COX16: variants seen among roughly 807,000 people sequenced by gnomAD.
COX16 encodes the protein cytochrome c oxidase assembly factor COX16.
Under a neutral mutation model 15.4 loss-of-function variants are expected in COX16, and 12 were observed. The observed-to-expected ratio is 0.78, with a 90% CI of 0.50 to 1.26. The LOEUF is 1.26. Ranked by LOEUF, COX16 falls within the 50% of genes most tolerant of loss-of-function variation. The probability of loss-of-function intolerance (pLI) is 0.00; values close to 1 mark genes in which losing one functional copy is unlikely to be tolerated. For missense variants in COX16, 124 were observed against 127.6 expected (o/e 0.97, Z 0.14); for synonymous variants, 46 against 41.1 (o/e 1.12, Z -0.46).
At chr14:70,330,215 T>G (rs1886239149) in intron 2 of COX16, among the ~76,000 whole-genome samples, 1 of 152,114 alleles carries the variant, frequency 6.6e-6, no homozygotes, top group Non-Finnish European at 1.5e-5. Flanking sequence ...CAGCACAAAT[T>G]CTATAGGCAA....
chr14:70,334,297 T>C (rs1886378924), intron 2 of COX16, among the ~76,000 whole-genome samples: 4 of 152,124 alleles, frequency 2.6e-5, no homozygotes, highest in Admixed American at 2.0e-4. Context: ...CCGAGGTGGA[T>C]GGATCACTTG....
intron 1 of COX16, among the ~76,000 whole-genome samples, chr14:70,346,719 C>T (rs1886795099): frequency 6.6e-6 from 1 of 152,008 alleles, no homozygotes; most frequent in African/African-American, 2.4e-5. Context: ...TCTGCTTTAC[C>T]TAATTTTTCA....
At chr14:70,348,750 G>A (rs1566604388) in intron 1 of COX16, among the ~76,000 whole-genome samples, 2 of 152,126 alleles carry the variant, frequency 1.3e-5, no homozygotes. Context: ...AAAGAACAAG[G>A]TTTTTTAACT....
chr14:70,329,705 A>G (rs951795709), intron 2 of COX16, among the ~76,000 whole-genome samples: 1 of 144,270 alleles, frequency 6.9e-6, no homozygotes, highest in Non-Finnish European at 1.5e-5. Context: ...TCCATGGGCC[A>G]GAAGTAGATA....
chr14:70,329,088 T>C, intron 3 of COX16, 86 bp downstream of exon 3: 41 of 1,298,262 alleles, frequency 3.2e-5, no homozygotes, highest in Non-Finnish European at 4.3e-5. Flanking sequence ...TTCAACGTAA[T>C]TTTTTTCTGT....
Position 70,359,556 on chromosome 14 carries a change from C to G in COX16, c.32G>C (p.Arg11Pro). MFAPAVMRAF[R>P]KNKTLGYGVP... Reference sequence around the variant, plus strand: ...TCCATAGCCGAGAGTCTTGTTCTTGCGAAAAGCACGCATCACCGCGGGTGC... The same window carrying G: ...TCCATAGCCGAGAGTCTTGTTCTTGGGAAAAGCACGCATCACCGCGGGTGC... Residue 11 changes from arginine (R) to proline (P), a missense_variant, in exon 1 of 4, where the codon CGC becomes CCC. Transcript: ENST00000389912. 6.2e-7 allele frequency: 1 copy of G among 1,614,104 alleles called. No individual in the cohort carries two copies. The highest frequency in any genetic ancestry group is 1.1e-5 in the South Asian group (1 of 91,076).
At position 70,327,255 on chromosome 14, in the gene COX16, C is replaced by A. The variant is rs369794164; in HGVS notation, c.205-806G>T. On this transcript the variant is annotated intron_variant, in intron 3 of 3. Transcript: ENST00000389912. Reference sequence around the variant, plus strand: ...TTGGATACTAAGCATTACTCTCTTACTAACTAGCTATATAACCTTTGGAAA... The same window carrying A: ...TTGGATACTAAGCATTACTCTCTTAATAACTAGCTATATAACCTTTGGAAA... 1.3e-3 allele frequency among the ~76,000 whole-genome samples: 204 copies of A among 152,306 alleles called. 2 individuals are homozygous for A. Among genetic ancestry groups the A allele is most frequent in the African/African-American group, 4.6e-3 (193 of 41,574 alleles).
chr14:70,329,568 G>T (rs1237628959), intron 2 of COX16, among the ~76,000 whole-genome samples: 3 of 151,984 alleles, frequency 2.0e-5, no homozygotes, highest in African/African-American at 7.2e-5. Context: ...AAGAAGCAGA[G>T]CTTGGCTTTA....
At position 70,357,158 on chromosome 14, in the gene COX16, C is replaced by CAAAAAAAAAA. The variant is rs4048531; in HGVS notation, c.69+2351_69+2360dup. Among the ~76,000 whole-genome samples the CAAAAAAAAAA allele has an allele frequency of 8.1e-4, 64 of 78,700 alleles. 2 individuals are homozygous for CAAAAAAAAAA. The highest frequency in any genetic ancestry group is 0.011 in the Middle Eastern group (1 of 90). 51.6% of individuals were successfully genotyped at this position (78,700 alleles called of 152,430 possible). On this transcript the variant is annotated intron_variant, in intron 1 of 3. Coordinates refer to ENST00000389912, the MANE Select transcript of COX16 (RefSeq NM_016468.7). ...CAGACTTCTCCTAGGAAGCGTTTGT[C>CAAAAAAAAAA]AAAAAAAAAAAAAAAAAAAAAAAAA... is the stretch of plus-strand genomic sequence containing the variant.
intron 1 of COX16, among the ~76,000 whole-genome samples, chr14:70,346,636 T>C (rs1207311891): frequency 6.6e-6 from 1 of 152,180 alleles, no homozygotes; most frequent in Non-Finnish European, 1.5e-5. Flanking sequence ...CATCGCTTCA[T>C]CCGAGCCAAG....
intron 1 of COX16, among the ~76,000 whole-genome samples, chr14:70,345,818 A>G (rs543426259): frequency 6.6e-6 from 1 of 150,802 alleles, no homozygotes; most frequent in Admixed American, 6.6e-5. Flanking sequence ...ACCCTACCTC[A>G]TTTTTCTCGT....
At chr14:70,353,883 A>G (rs1332427255) in intron 1 of COX16, among the ~76,000 whole-genome samples, 1 of 152,134 alleles carries the variant, frequency 6.6e-6, no homozygotes, top group Non-Finnish European at 1.5e-5. Flanking sequence ...GGTATAAAAC[A>G]TAAATGTTTA....
chr14:70,348,747 A>T (rs147697242), intron 1 of COX16, among the ~76,000 whole-genome samples: 184 of 152,298 alleles, frequency 1.2e-3, no homozygotes, highest in African/African-American at 4.3e-3. Context: ...TGGAAAGAAC[A>T]AGGTTTTTTA....
At chr14:70,335,536 A>G (rs1427782763) in intron 2 of COX16, among the ~76,000 whole-genome samples, 1 of 151,970 alleles carries the variant, frequency 6.6e-6, no homozygotes, top group Non-Finnish European at 1.5e-5. Flanking sequence ...ATCAATAACA[A>G]GAGGAGCTTT....
Position 70,340,748 on chromosome 14 carries a change from A to G in COX16, c.141+1910T>C, listed in dbSNP as rs144145566. On this transcript the variant is annotated intron_variant, in intron 2 of 3. Transcript: ENST00000389912. ...TTAGTTCTAAAATGAAACACTGACC[A>G]TGTGCCCAATAATCCCTCTACCTTA... is the stretch of plus-strand genomic sequence containing the variant. 2.0e-3 allele frequency among the ~76,000 whole-genome samples: 301 copies of G among 152,314 alleles called. 1 individual carries two copies. Among genetic ancestry groups the G allele is most frequent in the African/African-American group, 7.0e-3 (289 of 41,568 alleles).
intron 1 of COX16, among the ~76,000 whole-genome samples, chr14:70,355,847 C>A (rs758038506): frequency 6.6e-6 from 1 of 152,138 alleles, no homozygotes; most frequent in Non-Finnish European, 1.5e-5. Context: ...AGATCCCTCA[C>A]GAAAGGCTTG....
At chr14:70,334,796 C>T (rs978107663) in intron 2 of COX16, among the ~76,000 whole-genome samples, 6 of 151,994 alleles carry the variant, frequency 3.9e-5, no homozygotes, top group Non-Finnish European at 7.4e-5. Flanking sequence ...AAAAAGGATG[C>T]GAGGAGTTAC....
chr14:70,359,353 A>T (rs1887228624), intron 1 of COX16, 166 bp downstream of exon 1: 2 of 690,934 alleles, frequency 2.9e-6, no homozygotes, highest in African/African-American at 1.8e-5. Flanking sequence ...GGGTGTGGAA[A>T]AGACTGGTGG....
chr14:70,340,571 C>T (rs763033263), intron 2 of COX16, among the ~76,000 whole-genome samples: 4 of 152,138 alleles, frequency 2.6e-5, no homozygotes, highest in African/African-American at 4.8e-5. Context: ...TCTTTATCAT[C>T]GTTGCAAATA....
Sources: allele counts gnomAD v4.1 joint callset (sites outside exome capture counted in the v4.1 genomes callset), GRCh38; gene constraint gnomAD v4.1.1; transcripts MANE v1.5; gene names NCBI Gene and HGNC (gene_info 2026-07-23, HGNC 2026-07-21).